ADGRG5: variants seen among roughly 807,000 people sequenced by gnomAD.
ADGRG5 encodes adhesion G protein-coupled receptor G5.
ADGRG5 carries 37 observed loss-of-function variants against 53.2 expected under a neutral mutation model. The ratio of observed to expected loss-of-function variants is 0.70; its 90% CI spans 0.53 to 0.91. The LOEUF is 0.91. Ranked by LOEUF, ADGRG5 falls within the 40% of genes least tolerant of loss-of-function variation. ADGRG5 has a pLI of 0.00. For missense variants in ADGRG5, 614 were observed against 675.8 expected, an observed-to-expected ratio of 0.91 and a Z score of 1.01; for synonymous variants, 277 against 290.4, an observed-to-expected ratio of 0.95 and a Z score of 0.47.
chr16:57,567,740 G>T, intron 8 of ADGRG5, 116 bp from the exon 9 acceptor site: 1 of 1,423,180 alleles, frequency 7.0e-7, no homozygotes, highest in Non-Finnish European at 9.5e-7. Context: ...GACTGCTGTG[G>T]GATCCCTGCC....
intron 4 of ADGRG5, 140 bp from the exon 5 acceptor site, chr16:57,563,708 A>C: frequency 9.5e-7 from 1 of 1,050,294 alleles, no homozygotes; most frequent in Non-Finnish European, 1.4e-6. Flanking sequence ...GAAGTTTGGG[A>C]GGAGATGCAG....
chr16:57,564,906 G>C, intron 5 of ADGRG5, 128 bp from the exon 6 acceptor site: 1 of 653,408 alleles, frequency 1.5e-6, no homozygotes, highest in South Asian at 1.9e-5. Context: ...CTGGGAGGCT[G>C]AGAAAGCTTT....
chr16:57,567,983 C>T lies in ADGRG5; in HGVS notation c.949C>T (p.Leu317=), dbSNP rs2033189093. The T allele has an allele frequency of 6.2e-7, 1 of 1,614,058 alleles. No individual in the cohort carries two copies. Among genetic ancestry groups the T allele is most frequent in the Non-Finnish European group, 8.5e-7 (1 of 1,179,970 alleles). The change falls in exon 9 of 12, where the codon CTG becomes TTG. Residue 317 remains leucine (L), a synonymous_variant. Coordinates refer to ENST00000349457, the MANE Select transcript of ADGRG5 (RefSeq NM_001304376.3). ...SPVPGSACTA[L]AAALHYALLS... ...TGTGCCCGGGTCAGCATGCACGGCT[C>T]TGGCCGCTGCCCTGCACTACGCGCT...
At chr16:57,575,233 G>T in intron 11 of ADGRG5, 141 bp downstream of exon 11, 1 of 1,047,946 alleles carries the variant, frequency 9.5e-7, no homozygotes, top group South Asian at 1.6e-5. Flanking sequence ...CTAAGCTGGT[G>T]GGGGCTACAT....
chr16:57,543,373 C>G (rs1204714064), intron 1 of ADGRG5, among the ~76,000 whole-genome samples: 1 of 149,328 alleles, frequency 6.7e-6, no homozygotes, highest in Non-Finnish European at 1.5e-5. Flanking sequence ...ACCTCCACCT[C>G]CCAGGTTCAA....
intron 1 of ADGRG5, among the ~76,000 whole-genome samples, chr16:57,549,572 G>T (rs1215817092): frequency 1.3e-5 from 2 of 152,052 alleles, no homozygotes; most frequent in Admixed American, 1.3e-4. Context: ...TGTCTATAGA[G>T]GTATACATAC....
intron 9 of ADGRG5, 44 bp downstream of exon 9, chr16:57,568,168 G>T (rs2033199256): frequency 6.2e-6 from 10 of 1,600,058 alleles, no homozygotes; most frequent in Non-Finnish European, 8.5e-6. Flanking sequence ...TTCCAGGTGG[G>T]CAGGGTATTG....
At chr16:57,531,125 C>A in the ADGRG5 span, among the ~76,000 whole-genome samples, 1 of 152,064 alleles carries the variant, frequency 6.6e-6, no homozygotes, top group Non-Finnish European at 1.5e-5. Flanking sequence ...AACTCCAAGT[C>A]CCTCTCCAGC....
intron 6 of ADGRG5, chr16:57,566,308 C>A (rs1328962661): frequency 6.4e-6 from 2 of 311,526 alleles, no homozygotes; most frequent in Non-Finnish European, 1.2e-5. Context: ...ACTCAAGATT[C>A]CGTGTTGCCC....
upstream of ADGRG5, chr16:57,542,553 G>C (rs1208561283): frequency 6.5e-6 from 1 of 152,732 alleles, no homozygotes; most frequent in East Asian, 1.9e-4. Flanking sequence ...GGCCTGGGGT[G>C]AAGGGAGCAG....
intron 6 of ADGRG5, 187 bp from the exon 7 acceptor site, chr16:57,566,412 G>C (rs1455484932): frequency 8.7e-6 from 4 of 460,182 alleles, no homozygotes; most frequent in East Asian, 6.8e-5. Context: ...GTCTTGCCTG[G>C]GTCACTCTGA....
Position 57,565,036 on chromosome 16 carries a change from T to G in ADGRG5, c.432T>G (p.Asp144Glu). The change falls in exon 6 of 12, where the codon GAT (aspartate) becomes GAG (glutamate). Residue 144 changes from aspartate (D) to glutamate (E), a missense_variant and splice_region_variant. Asp to Glu is a conservative substitution (Grantham distance 45). Coordinates refer to ENST00000349457, the MANE Select transcript of ADGRG5 (RefSeq NM_001304376.3). ...CCCTTCTCCTGCTGCCCTTCCAGGA[T>G]GAAAACAACTCATCTCTGCTGAATA... ...IYFSNTHFFK[D>E]ENNSSLLNNY... is the part of the protein sequence containing the mutation. 2 of 1,608,346 alleles carry G rather than the reference T, an allele frequency of 1.2e-6. No homozygotes were observed.
intron 4 of ADGRG5, among the ~76,000 whole-genome samples, 165 bp from the exon 5 acceptor site, chr16:57,563,683 G>A (rs2033059889): frequency 1.3e-5 from 2 of 152,208 alleles, no homozygotes; most frequent in African/African-American, 2.4e-5. Flanking sequence ...ATGGAGGGAA[G>A]GCCTGGGATC....
intron 7 of ADGRG5, 54 bp from the exon 8 acceptor site, chr16:57,567,416 G>C (rs1376827577): frequency 6.3e-7 from 1 of 1,588,186 alleles, no homozygotes; most frequent in Non-Finnish European, 8.5e-7. Context: ...GACTGAGGCT[G>C]GGAGGAAGGG....
At chr16:57,575,144 T>C in intron 11 of ADGRG5, 52 bp downstream of exon 11, 2 of 1,562,888 alleles carry the variant, frequency 1.3e-6, no homozygotes, top group Non-Finnish European at 8.7e-7. Flanking sequence ...GGTGTATGGC[T>C]GGTGGGATGT....
At chr16:57,575,186 G>A (rs1175037607) in intron 11 of ADGRG5, 94 bp downstream of exon 11, 4 of 1,388,926 alleles carry the variant, frequency 2.9e-6, no homozygotes, top group Non-Finnish European at 2.0e-6. Flanking sequence ...TGAAGGGGGC[G>A]AGTGGGGGAC....
intron 1 of ADGRG5, among the ~76,000 whole-genome samples, chr16:57,550,940 A>G (rs1456216707): frequency 1.3e-5 from 2 of 152,196 alleles, no homozygotes; most frequent in Non-Finnish European, 2.9e-5. Context: ...AGGCAGGAGA[A>G]TCACTTGAAC....
intron 1 of ADGRG5, among the ~76,000 whole-genome samples, chr16:57,547,319 A>G (rs1166008835): frequency 2.0e-5 from 3 of 152,198 alleles, no homozygotes; most frequent in Non-Finnish European, 2.9e-5. Context: ...AGAGCTCCCA[A>G]TATGCTTCAG....
At chr16:57,534,658 G>A in the ADGRG5 span, among the ~76,000 whole-genome samples, 1 of 152,170 alleles carries the variant, frequency 6.6e-6, no homozygotes, top group African/African-American at 2.4e-5. Flanking sequence ...GATGCGTGAT[G>A]GATGGAAGGT....
Sources: allele counts gnomAD v4.1 joint callset (sites outside exome capture counted in the v4.1 genomes callset), GRCh38; gene constraint gnomAD v4.1.1; transcripts MANE v1.5; gene names NCBI Gene and HGNC (gene_info 2026-07-23, HGNC 2026-07-21).